RAP1GAP2: variants seen among roughly 807,000 people sequenced by gnomAD.
RAP1GAP2 encodes the protein rap1 GTPase-activating protein 2.
In RAP1GAP2, 27 loss-of-function variants were observed where a neutral mutation model predicts 95.0. The ratio of observed to expected loss-of-function variants is 0.28; its 90% CI spans 0.21 to 0.39. RAP1GAP2 has a LOEUF of 0.39. Among genes scored for constraint, RAP1GAP2 ranks in the 10% least tolerant of loss-of-function variants. The probability of loss-of-function intolerance (pLI) is 1.00; values close to 1 mark genes in which losing one functional copy is unlikely to be tolerated. For synonymous variants in RAP1GAP2, 373 were observed against 380.9 expected (o/e 0.98, Z 0.24); for missense variants, 771 against 970.0 (o/e 0.79, Z 2.72).
chr17:2,993,231 AAAAG>A (rs1463109605), intron 12 of RAP1GAP2, among the ~76,000 whole-genome samples: 1 of 151,234 alleles, frequency 6.6e-6, no homozygotes, highest in Non-Finnish European at 1.5e-5. Flanking sequence ...AAAAAAAAAA[AAAAG>A]GAGGTAAAGA....
intron 2 of RAP1GAP2, among the ~76,000 whole-genome samples, chr17:2,868,473 G>A (rs1429334828): frequency 2.0e-5 from 3 of 151,642 alleles, no homozygotes; most frequent in Admixed American, 6.6e-5. Flanking sequence ...TCTTTTATGT[G>A]TGTAGGCAAA....
At chr17:2,856,029 AG>A (rs1417191211) in intron 2 of RAP1GAP2, among the ~76,000 whole-genome samples, 1 of 152,250 alleles carries the variant, frequency 6.6e-6, no homozygotes, top group Non-Finnish European at 1.5e-5. Context: ...TGTGTCTAGC[AG>A]AAGAAGCTGC....
At position 2,941,294 on chromosome 17, in the gene RAP1GAP2, C is replaced by T. The variant is rs575605155; in HGVS notation, c.166-16465C>T. Among the ~76,000 whole-genome samples, 12 of 152,142 alleles carry T rather than the reference C, an allele frequency of 7.9e-5. No homozygotes were observed. In the South Asian group the frequency reaches 2.1e-3, roughly 26 times the overall value. On this transcript the variant is annotated intron_variant, in intron 3 of 24. Transcript: ENST00000254695. ...GCACGTGCTTGTAATCCCAGCTACT[C>T]GGGAAGCTGAGGCAGGAGAATCGCT...
intron 8 of RAP1GAP2, among the ~76,000 whole-genome samples, chr17:2,969,696 G>A (rs1051977636): frequency 1.3e-5 from 2 of 151,508 alleles, no homozygotes; most frequent in African/African-American, 2.4e-5. Flanking sequence ...TAGAGATGGG[G>A]TTTCGCTGTG....
chr17:2,929,709 G>C (rs1282275973), intron 3 of RAP1GAP2, among the ~76,000 whole-genome samples: 1 of 152,162 alleles, frequency 6.6e-6, no homozygotes, highest in Non-Finnish European at 1.5e-5. Flanking sequence ...GAAGACCCCG[G>C]GACTGCCCTG....
Position 3,029,634 on chromosome 17 carries a change from G to C in RAP1GAP2, c.2108-1288G>C, listed in dbSNP as rs548638063. Reference sequence around the variant, plus strand: ...TGATAGGTTACACAGAGGTGTTGTAGCCCTGGGTGGAACTCCTCGATTCGA... The same window carrying C: ...TGATAGGTTACACAGAGGTGTTGTACCCCTGGGTGGAACTCCTCGATTCGA... On this transcript the variant is annotated intron_variant, in intron 22 of 24. Transcript: ENST00000254695. This position sits in a 1 kb window ranked among gnomAD's most constrained non-coding sequence, Gnocchi z 4.4. 6.6e-6 allele frequency among the ~76,000 whole-genome samples: 1 copy of C among 152,220 alleles called. No homozygotes were observed. The highest frequency in any genetic ancestry group is 6.5e-5 in the Admixed American group (1 of 15,280).
chr17:2,993,417 C>G (rs1421085816), intron 12 of RAP1GAP2, among the ~76,000 whole-genome samples: 3 of 139,784 alleles, frequency 2.1e-5, no homozygotes, highest in Admixed American at 7.1e-5. Flanking sequence ...ACTAAAAATA[C>G]GAAAAATTAG....
chr17:2,854,045 C>T, intron 2 of RAP1GAP2: 1 of 985,210 alleles, frequency 1.0e-6, no homozygotes, highest in Non-Finnish European at 1.2e-6. Flanking sequence ...GGGATCCGCG[C>T]CGCCGTGGTG....
At chr17:2,987,264 T>C (rs1433539602) in intron 11 of RAP1GAP2, among the ~76,000 whole-genome samples, 1 of 152,268 alleles carries the variant, frequency 6.6e-6, no homozygotes. Context: ...ATAGCATTTG[T>C]TGCACCCTAT....
upstream of RAP1GAP2, among the ~76,000 whole-genome samples, chr17:2,775,246 C>T (rs2068473917): frequency 6.6e-6 from 1 of 152,130 alleles, no homozygotes; most frequent in African/African-American, 2.4e-5. Context: ...ATGGGCCACA[C>T]ATTCTAGTGG....
At position 3,037,138 on chromosome 17, in the gene RAP1GAP2, A is replaced by G. The variant is rs1433322312; in HGVS notation, c.*3777A>G. The G allele has an allele frequency of 1.3e-5, 2 of 152,530 alleles. No individual in the cohort carries two copies. Among genetic ancestry groups the G allele is most frequent in the African/African-American group, 4.8e-5 (2 of 41,420 alleles). The allele number at this position is 152,530 out of a possible 1,614,324, so 9.4% of individuals were successfully genotyped here. On this transcript the variant is annotated 3_prime_UTR_variant, in exon 25 of 25. Coordinates refer to ENST00000254695, the MANE Select transcript of RAP1GAP2 (RefSeq NM_015085.5). ...TACCGCCAGCCCCTTGTACACCCCA[A>G]TCCCATGTCTCCCTCCCTTCAGCTG... is the stretch of plus-strand genomic sequence containing the variant.
At chr17:2,853,524 AGGGCCG>A (rs568593837) in intron 2 of RAP1GAP2, among the ~76,000 whole-genome samples, 1 of 145,750 alleles carries the variant, frequency 6.9e-6, no homozygotes, top group Non-Finnish European at 1.5e-5. Context: ...GAGGGGAGGC[AGGGCCG>A]GGGCCGGGGA....
intron 2 of RAP1GAP2, among the ~76,000 whole-genome samples, chr17:2,881,446 C>T (rs753190835): frequency 1.1e-4 from 16 of 152,298 alleles, no homozygotes; most frequent in Non-Finnish European, 2.2e-4. Context: ...AGCCAGCATT[C>T]ATCCACATTG....
intron 1 of RAP1GAP2, among the ~76,000 whole-genome samples, chr17:2,785,899 C>T (rs1313221031): frequency 8.3e-6 from 1 of 119,926 alleles, no homozygotes. Flanking sequence ...AAAAGTATGA[C>T]TTTTTTTTTT....
intron 2 of RAP1GAP2, among the ~76,000 whole-genome samples, chr17:2,803,472 C>T (rs947003948): frequency 3.9e-5 from 6 of 152,188 alleles, no homozygotes; most frequent in Non-Finnish European, 8.8e-5. Flanking sequence ...CCATCAAAAT[C>T]CCAGCTGGCT....
intron 1 of RAP1GAP2, among the ~76,000 whole-genome samples, chr17:2,781,559 C>T (rs1031521021): frequency 1.7e-4 from 23 of 137,268 alleles, no homozygotes; most frequent in Admixed American, 4.9e-4. Flanking sequence ...TGTGTGTGCA[C>T]GTCTCTGTGT....
In RAP1GAP2 at chr17:2,890,805, C is replaced by T. The variant is rs374653233; in HGVS notation, c.81-14479C>T. On this transcript the variant is annotated intron_variant, in intron 2 of 24. Transcript: ENST00000254695. ...GTTCACACCATTCTCCTGTCTCAGC[C>T]TCCCGAGTAGCTGGGACCACAGGCG... 1.2e-4 allele frequency among the ~76,000 whole-genome samples: 18 copies of T among 151,910 alleles called. 1 individual carries two copies. Among genetic ancestry groups the T allele is most frequent in the African/African-American group, 4.1e-4 (17 of 41,432 alleles).
In RAP1GAP2 at chr17:2,849,158, A is replaced by G. The variant is rs527666392; in HGVS notation, c.80+48608A>G. On this transcript the variant is annotated intron_variant, in intron 2 of 24. Coordinates refer to ENST00000254695, the MANE Select transcript of RAP1GAP2 (RefSeq NM_015085.5). ...TGTTTATAACCCTTGCGTTGTCCCAAAGGTTGTGTGGTCCATGGAATAGCT... is the reference window on the plus strand; with the variant it reads ...TGTTTATAACCCTTGCGTTGTCCCAGAGGTTGTGTGGTCCATGGAATAGCT... Among the ~76,000 whole-genome samples the G allele has an allele frequency of 9.9e-5, 15 of 152,214 alleles. No individual in the cohort carries two copies. In the East Asian group the frequency reaches 2.7e-3, roughly 27 times the overall value.
chr17:2,828,138 C>T (rs1189875766), intron 2 of RAP1GAP2, among the ~76,000 whole-genome samples: 2 of 152,152 alleles, frequency 1.3e-5, no homozygotes, highest in African/African-American at 4.8e-5. Flanking sequence ...GTCAGGAGTT[C>T]GAGACCAGCC....
Sources: allele counts gnomAD v4.1 joint callset (sites outside exome capture counted in the v4.1 genomes callset), GRCh38; gene constraint gnomAD v4.1.1; non-coding constraint Gnocchi (gnomAD v3.1); transcripts MANE v1.5; gene names NCBI Gene and HGNC (gene_info 2026-07-23, HGNC 2026-07-21).